CENPK: variants seen among roughly 807,000 people sequenced by gnomAD.
The protein encoded by CENPK is SoxLZ/Sox6-binding protein Solt.
A neutral mutation model predicts 40.9 loss-of-function variants in CENPK; 46 were observed. The observed-to-expected ratio is 1.13, with a 90% CI of 0.89 to 1.44. CENPK has a LOEUF of 1.44. Ranked by LOEUF, CENPK falls within the 40% of genes most tolerant of loss-of-function variation. The pLI is 0.00. For synonymous variants in CENPK, 107 were observed against 104.4 expected, an observed-to-expected ratio of 1.02 and a Z score of -0.15; for missense variants, 288 against 303.5, an observed-to-expected ratio of 0.95 and a Z score of 0.38.
intron 6 of CENPK, among the ~76,000 whole-genome samples, chr5:65,540,874 C>T (rs1270424608): frequency 6.7e-6 from 1 of 150,370 alleles, no homozygotes; most frequent in Non-Finnish European, 1.5e-5. Context: ...GTGACGCGAT[C>T]ATGGCTCACT....
At chr5:65,527,551 A>G (rs1744946173) in intron 9 of CENPK, among the ~76,000 whole-genome samples, 2 of 94,830 alleles carry the variant, frequency 2.1e-5, no homozygotes, top group African/African-American at 4.3e-5. Flanking sequence ...ATATATATAT[A>G]TATGAACTGT....
rs1158620897 is a variant in CENPK, at chr5:65,561,471, G to A, written c.-48C>T. 8.8e-6 allele frequency: 4 copies of A among 455,436 alleles called. No homozygotes were observed. The highest frequency in any genetic ancestry group is 1.4e-4 in the East Asian group (2 of 14,388). 28.2% of individuals were successfully genotyped at this position (455,436 alleles called of 1,614,324 possible). On this transcript the variant is annotated 5_prime_UTR_variant, in exon 2 of 11. Transcript: ENST00000396679. ...AAGAGTTTGCTCTCTACCGCTTGAG[G>A]ATGCAAGATGTAAGCTGTATGTAAC...
chr5:65,522,965 CT>C (rs1384238145), intron 9 of CENPK, among the ~76,000 whole-genome samples: 22 of 152,162 alleles, frequency 1.4e-4, no homozygotes, highest in Non-Finnish European at 2.9e-4. Flanking sequence ...TCCTTGTGGA[CT>C]TCTGAGAATA....
chr5:65,528,700 C>T, intron 8 of CENPK, 122 bp from the exon 9 acceptor site: 2 of 1,247,650 alleles, frequency 1.6e-6, no homozygotes, highest in East Asian at 2.7e-5. Context: ...AACCAAATAA[C>T]TACCTTTTTG....
chr5:65,506,017 T>C, the CENPK span, among the ~76,000 whole-genome samples: 1 of 152,236 alleles, frequency 6.6e-6, no homozygotes, highest in Admixed American at 6.5e-5. Context: ...TTTAATCCAA[T>C]ATGGAATCTG....
intron 2 of CENPK, among the ~76,000 whole-genome samples, chr5:65,558,074 C>T (rs756815009): frequency 6.6e-6 from 1 of 152,118 alleles, no homozygotes; most frequent in Non-Finnish European, 1.5e-5. Context: ...AATCACACAA[C>T]TGCACTCCAC....
chr5:65,533,896 T>C (rs1189394868), intron 6 of CENPK, among the ~76,000 whole-genome samples: 1 of 151,418 alleles, frequency 6.6e-6, no homozygotes, highest in East Asian at 1.9e-4. Context: ...CAAAACAAAA[T>C]TAGCCAGGCG....
chr5:65,559,036 T>A (rs574603207), intron 2 of CENPK, among the ~76,000 whole-genome samples: 1 of 152,006 alleles, frequency 6.6e-6, no homozygotes, highest in Non-Finnish European at 1.5e-5. Flanking sequence ...TTTAAGGAGG[T>A]AGACAGTGCA....
chr5:65,504,273 A>G, the CENPK span, among the ~76,000 whole-genome samples: 1 of 151,738 alleles, frequency 6.6e-6, no homozygotes, highest in African/African-American at 2.4e-5. Context: ...CCTGGCTAAC[A>G]TGGTGAAACC....
At chr5:65,527,026 G>A (rs966262867) in intron 9 of CENPK, among the ~76,000 whole-genome samples, 1 of 152,124 alleles carries the variant, frequency 6.6e-6, no homozygotes, top group Non-Finnish European at 1.5e-5. Flanking sequence ...GAACCTGGGA[G>A]GCAGAGGTTG....
At chr5:65,521,028 A>T (rs912637404) in intron 10 of CENPK, among the ~76,000 whole-genome samples, 1 of 152,192 alleles carries the variant, frequency 6.6e-6, no homozygotes, top group Non-Finnish European at 1.5e-5. Context: ...GTTATTTTTT[A>T]AAAATTGTAC....
At chr5:65,546,613 T>C (rs1749035581) in intron 5 of CENPK, among the ~76,000 whole-genome samples, 1 of 152,238 alleles carries the variant, frequency 6.6e-6, no homozygotes, top group South Asian at 2.1e-4. Flanking sequence ...AATATGACTG[T>C]ATTTGGAATT....
chr5:65,499,607 C>T, the CENPK span, among the ~76,000 whole-genome samples: 1 of 151,276 alleles, frequency 6.6e-6, no homozygotes, highest in East Asian at 1.9e-4. Context: ...AAAACCCACC[C>T]ACTTTCTCCT....
chr5:65,535,800 G>A (rs970324467), intron 6 of CENPK, among the ~76,000 whole-genome samples: 2 of 152,082 alleles, frequency 1.3e-5, no homozygotes, highest in African/African-American at 4.8e-5. Flanking sequence ...TGCACCTGAG[G>A]GCAGTCTTAG....
chr5:65,518,422 C>T lies in CENPK; in HGVS notation c.*53G>A. The T allele has an allele frequency of 1.3e-6, 2 of 1,543,700 alleles. No individual in the cohort carries two copies. The highest frequency in any genetic ancestry group is 2.4e-5 in the South Asian group (2 of 83,908). ...TTTTATCCAAATAGTCCTGTGGTTC[C>T]AATATCCTTGAATGATAAGAATTTT... is the stretch of plus-strand genomic sequence containing the variant. On this transcript the variant is annotated 3_prime_UTR_variant, in exon 11 of 11. Coordinates refer to ENST00000396679, the MANE Select transcript of CENPK (RefSeq NM_022145.5).
chr5:65,531,958 T>C (rs1240979335), intron 6 of CENPK, among the ~76,000 whole-genome samples: 1 of 151,536 alleles, frequency 6.6e-6, no homozygotes, highest in Non-Finnish European at 1.5e-5. Context: ...AAAATAAAAA[T>C]AAGGGAAAAG....
At chr5:65,512,827 C>G (rs554152254), downstream of CENPK, among the ~76,000 whole-genome samples, 1 of 152,304 alleles carries the variant, frequency 6.6e-6, no homozygotes, top group South Asian at 2.1e-4. Context: ...GTTCCTGTTG[C>G]TCCACATCCT....
the CENPK span, among the ~76,000 whole-genome samples, chr5:65,509,074 C>A: frequency 6.6e-6 from 1 of 152,180 alleles, no homozygotes; most frequent in South Asian, 2.1e-4. Flanking sequence ...AGAGTACCCA[C>A]TTTAAACATG....
chr5:65,514,266 T>TTG (rs1742708719), downstream of CENPK, among the ~76,000 whole-genome samples: 1 of 77,148 alleles, frequency 1.3e-5, no homozygotes, highest in African/African-American at 5.0e-5. Context: ...TTTTTTAGTT[T>TTG]TTTTTAGTTT....
Sources: allele counts gnomAD v4.1 joint callset (sites outside exome capture counted in the v4.1 genomes callset), GRCh38; gene constraint gnomAD v4.1.1; transcripts MANE v1.5; gene names NCBI Gene and HGNC (gene_info 2026-07-23, HGNC 2026-07-21).